Variants in ANKRD52 observed in about 807,000 individuals in gnomAD.
ANKRD52 encodes the protein ankyrin repeat domain 52.
In ANKRD52, 7 loss-of-function variants were observed where a neutral mutation model predicts 116.0. The observed-to-expected ratio is 0.06, with a 90% confidence interval of 0.03 to 0.11. The LOEUF (loss-of-function observed/expected upper bound fraction) is 0.11. Among genes scored for constraint, ANKRD52 ranks in the 10% least tolerant of loss-of-function variants. The probability of loss-of-function intolerance (pLI) is 1.00; values close to 1 mark genes in which losing one functional copy is unlikely to be tolerated. For synonymous variants in ANKRD52, 528 were observed against 578.1 expected, an observed-to-expected ratio of 0.91 and a Z score of 1.24; for missense variants, 839 against 1,408.6, an observed-to-expected ratio of 0.60 and a Z score of 6.47.
chr12:56,245,296 T>TC (rs927706051), intron 21 of ANKRD52, 81 bp downstream of exon 21: 60 of 1,599,184 alleles, frequency 3.8e-5, no homozygotes, highest in Middle Eastern at 1.9e-4. Flanking sequence ...TCAACCCAGG[T>TC]CCCCCCCAAC....
Position 56,255,738 on chromosome 12 carries a change from A to G in ANKRD52, c.462+46T>C, listed in dbSNP as rs768687680. The G allele has an allele frequency of 7.5e-5, 114 of 1,512,490 alleles. No homozygotes were observed. The highest frequency in any genetic ancestry group is 9.9e-6 in the Non-Finnish European group (11 of 1,116,376). The allele number at this position is 1,512,490 out of a possible 1,614,324, so 93.7% of individuals were successfully genotyped here. A position where few individuals can be genotyped will look rare whatever the true frequency, so the allele number is the denominator to read the frequency against. On this transcript the variant is annotated intron_variant, in intron 5 of 27. Transcript: ENST00000267116. This position sits in a 1 kb window ranked among gnomAD's most constrained non-coding sequence, Gnocchi z 4.3. ...GCAGGGAAACGTGAGTAGGAAGGTA[A>G]GAAAAGGGAAAGCCCCAGCTGGGCC...
Position 56,248,398 on chromosome 12 carries a change from G to T in ANKRD52, c.1776+97C>A. ...TGCTTATCCCCTCTCCCACAAAAAG[G>T]CAGAAGGAAGGATAACTTCACAAGT... is the stretch of plus-strand genomic sequence containing the variant. On this transcript the variant is annotated intron_variant, in intron 17 of 27. Transcript: ENST00000267116. This position sits in a 1 kb window ranked among gnomAD's most constrained non-coding sequence, Gnocchi z 5.1. The T allele has an allele frequency of 6.9e-7, 1 of 1,454,290 alleles. No homozygotes were observed. The highest frequency in any genetic ancestry group is 9.5e-7 in the Non-Finnish European group (1 of 1,057,480). 90.1% of individuals were successfully genotyped at this position (1,454,290 alleles called of 1,614,324 possible). A position where few individuals can be genotyped will look rare whatever the true frequency, so the allele number is the denominator to read the frequency against.
In ANKRD52 at chr12:56,253,552, G is replaced by A; in HGVS notation, c.986-150C>T. 1.1e-6 allele frequency: 1 copy of A among 940,722 alleles called. No individual in the cohort carries two copies. 58.3% of individuals were successfully genotyped at this position (940,722 alleles called of 1,614,324 possible). On this transcript the variant is annotated intron_variant, in intron 9 of 27. Coordinates refer to ENST00000267116, the MANE Select transcript of ANKRD52 (RefSeq NM_173595.4). This position sits in a 1 kb window ranked among gnomAD's most constrained non-coding sequence, Gnocchi z 5.5. ...TTTATCCTGTTTCTAGGCCTTAGGA[G>A]ACTGGGCAGGGCAGAGCAGGGCCAT...
rs934575638 is a variant in ANKRD52 at position 56,247,761 on chromosome 12, G to A, written c.1992C>T (p.His664=). The A allele has an allele frequency of 1.2e-6, 2 of 1,612,180 alleles. No individual in the cohort carries two copies. Among genetic ancestry groups the A allele is most frequent in the Non-Finnish European group, 8.5e-7 (1 of 1,179,160 alleles). Residue 664 remains histidine, a synonymous_variant, in exon 19 of 28, where the codon CAC becomes CAT. Transcript: ENST00000267116. The stretch of plus-strand genomic sequence containing the variant: ...CGATCAGCAAGTGCAGGGAGTCAGT[G>A]TGGCCAGAGGCAGCTAGGGGAAAGG... The part of the protein sequence containing the change: ...TPLHAAAASG[H]TDSLHLLIDS...
rs948931392 is a variant in ANKRD52 at position 56,255,667 on chromosome 12, A to G, written c.462+117T>C. ...ATTTAGTGCTTCAGCTTAAGTGTTTATATAACCATCCGGGCTGCTTCTCCT... is the reference window on the plus strand; with the variant it reads ...ATTTAGTGCTTCAGCTTAAGTGTTTGTATAACCATCCGGGCTGCTTCTCCT... On this transcript the variant is annotated intron_variant, in intron 5 of 27. Transcript: ENST00000267116. The surrounding 1 kb of genome is among the most constrained non-coding windows in gnomAD (Gnocchi z 4.3). The G allele has an allele frequency of 5.4e-5, 50 of 922,904 alleles. 1 individual carries two copies. The highest frequency in any genetic ancestry group is 1.9e-4 in the South Asian group (11 of 58,536). 57.2% of individuals were successfully genotyped at this position (922,904 alleles called of 1,614,324 possible).
chr12:56,242,635 G>C lies in ANKRD52; in HGVS notation c.*507C>G, dbSNP rs772695652. 7.9e-5 allele frequency: 13 copies of C among 164,760 alleles called. No individual in the cohort carries two copies. The highest frequency in any genetic ancestry group is 1.8e-4 in the Admixed American group (3 of 16,556). 10.2% of individuals were successfully genotyped at this position (164,760 alleles called of 1,614,324 possible). ...CCTCATCCTCTAGCTGCCCCTGAAG[G>C]GGGGAGGGGGACACCCCCAGAGTGC... is the stretch of plus-strand genomic sequence containing the variant. On this transcript the variant is annotated 3_prime_UTR_variant, in exon 28 of 28. Coordinates refer to ENST00000267116, the MANE Select transcript of ANKRD52 (RefSeq NM_173595.4). The surrounding 1 kb of genome is among the most constrained non-coding windows in gnomAD (Gnocchi z 4.3).
chr12:56,253,375 A>T lies in ANKRD52; in HGVS notation c.1013T>A (p.Phe338Tyr), dbSNP rs964156623. ...NGSEIDCADK[F>Y]GNTPLHVAAR... ...AGCCACATGCAGTGGCGTGTTCCCA[A>T]ATTTGTCGGCACAATCAATCTCGCT... Residue 338 changes from phenylalanine (F) to tyrosine (Y), a missense_variant, in exon 10 of 28, where the codon TTT becomes TAT. Coordinates refer to ENST00000267116, the MANE Select transcript of ANKRD52 (RefSeq NM_173595.4). This position sits in a 1 kb window ranked among gnomAD's most constrained non-coding sequence, Gnocchi z 5.5. 6.2e-7 allele frequency: 1 copy of T among 1,613,586 alleles called. No homozygotes were observed. Among genetic ancestry groups the T allele is most frequent in the Non-Finnish European group, 8.5e-7 (1 of 1,179,684 alleles).
At chr12:56,249,072 A>T (rs955931407) in intron 15 of ANKRD52, among the ~76,000 whole-genome samples, 1 of 152,216 alleles carries the variant, frequency 6.6e-6, no homozygotes, top group African/African-American at 2.4e-5. Context: ...GTCTGCCCTG[A>T]ACCCCTCTGG....
intron 2 of ANKRD52, among the ~76,000 whole-genome samples, 195 bp from the exon 3 acceptor site, chr12:56,257,556 C>A (rs563752963): frequency 1.3e-5 from 2 of 152,220 alleles, no homozygotes; most frequent in East Asian, 3.9e-4. Flanking sequence ...GGCTGAGAAG[C>A]CGGCTCCTTT....
chr12:56,258,302 C>CCGG lies in ANKRD52; in HGVS notation c.-36_-34dup, dbSNP rs751124828. Reference sequence around the variant, plus strand: ...CCCGGGCTCCGTCCGCATCGAGCTCCCGGCGGCGGCGGCGGCGGCTCCACC... The same window carrying CCGG: ...CCCGGGCTCCGTCCGCATCGAGCTCCCGGCGGCGGCGGCGGCGGCGGCTCCACC... On this transcript the variant is annotated 5_prime_UTR_variant, in exon 1 of 28. Coordinates refer to ENST00000267116, the MANE Select transcript of ANKRD52 (RefSeq NM_173595.4). The CCGG allele has an allele frequency of 7.3e-5, 112 of 1,535,136 alleles. No individual in the cohort carries two copies. The Middle Eastern group carries it at 1.4e-3, about 19-fold the overall frequency.
intron 18 of ANKRD52, 29 bp downstream of exon 18, chr12:56,247,994 T>C: frequency 6.4e-7 from 1 of 1,561,286 alleles, no homozygotes; most frequent in South Asian, 1.1e-5. Flanking sequence ...ATGGCAAGGG[T>C]AGGGCAGCAG....
Position 56,244,488 on chromosome 12 carries a change from A to G in ANKRD52, c.2723-53T>C. 6.2e-7 allele frequency: 1 copy of G among 1,604,016 alleles called. No individual in the cohort carries two copies. Among genetic ancestry groups the G allele is most frequent in the Admixed American group, 1.7e-5 (1 of 59,418 alleles). ...GACCCCTCCCTCCAGAGCAGTAGCC[A>G]TCCTGGCTCTCCACTTTGCATCCCG... On this transcript the variant is annotated intron_variant, in intron 24 of 27. Coordinates refer to ENST00000267116, the MANE Select transcript of ANKRD52 (RefSeq NM_173595.4). The surrounding 1 kb of genome is among the most constrained non-coding windows in gnomAD (Gnocchi z 4.9).
chr12:56,245,448 A>G lies in ANKRD52; in HGVS notation c.2333T>C (p.Leu778Pro). The G allele has an allele frequency of 6.2e-7, 1 of 1,612,858 alleles. No individual in the cohort carries two copies. The highest frequency in any genetic ancestry group is 8.5e-7 in the Non-Finnish European group (1 of 1,179,504). The change falls in exon 21 of 28, where the codon CTT becomes CCT. Residue 778 changes from leucine (L) to proline (P), a missense_variant. By Grantham distance (98) the Leu-to-Pro change is moderately conservative. Coordinates refer to ENST00000267116, the MANE Select transcript of ANKRD52 (RefSeq NM_173595.4). Reference protein sequence around the residue: ...AVLRTLLQAALSTDPLDAGVD... With the variant: ...AVLRTLLQAAPSTDPLDAGVD... ...CCCGGCATCCAGGGGATCTGTGGAA[A>G]GGGCAGCCTGCAGCAGGGTCCGCAG...
Position 56,248,098 on chromosome 12 carries a change from C to G in ANKRD52, c.1903G>C (p.Glu635Gln). 1 of 1,613,362 alleles carries G rather than the reference C, an allele frequency of 6.2e-7. No homozygotes were observed. Among genetic ancestry groups the G allele is most frequent in the Non-Finnish European group, 8.5e-7 (1 of 1,179,896 alleles). ...ATERGSTECV[E>Q]VLTAHGASAL... ...GAGGCGCCGTGGGCTGTAAGCACCT[C>G]CACACACTCAGTAGAGCCGCGCTCC... Residue 635 changes from glutamate (E) to glutamine (Q), a missense_variant, in exon 18 of 28, where the codon GAG becomes CAG. Glu to Gln is a conservative substitution (Grantham distance 29, BLOSUM62 2). Around this residue, in one of 2 missense-constraint regions of ANKRD52, gnomAD observed 552 missense variants for 810.6 expected, o/e 0.68. Coordinates refer to ENST00000267116, the MANE Select transcript of ANKRD52 (RefSeq NM_173595.4). The surrounding 1 kb of genome is among the most constrained non-coding windows in gnomAD (Gnocchi z 5.1).
Position 56,244,815 on chromosome 12 carries a change from G to T in ANKRD52, c.2577-18C>A. 6.2e-7 allele frequency: 1 copy of T among 1,613,878 alleles called. No homozygotes were observed. Among genetic ancestry groups the T allele is most frequent in the Admixed American group, 1.7e-5 (1 of 60,024 alleles). Reference sequence around the variant, plus strand: ...GGGGGGTCCTGTAAGGCAGGGATCAGGGTAGATTAAAATAGGGAAGAGTAT... The same window carrying T: ...GGGGGGTCCTGTAAGGCAGGGATCATGGTAGATTAAAATAGGGAAGAGTAT... On this transcript the variant is annotated intron_variant, in intron 23 of 27. Coordinates refer to ENST00000267116, the MANE Select transcript of ANKRD52 (RefSeq NM_173595.4). This position sits in a 1 kb window ranked among gnomAD's most constrained non-coding sequence, Gnocchi z 4.9.
At position 56,248,104 on chromosome 12, in the gene ANKRD52, A is replaced by T; in HGVS notation, c.1897T>A (p.Cys633Ser). ...FLATERGSTE[C>S]VEVLTAHGAS... ...CCGTGGGCTGTAAGCACCTCCACACACTCAGTAGAGCCGCGCTCCGTGGCC... is the reference window on the plus strand; with the variant it reads ...CCGTGGGCTGTAAGCACCTCCACACTCTCAGTAGAGCCGCGCTCCGTGGCC... The change falls in exon 18 of 28, where the codon TGT becomes AGT. Residue 633 changes from cysteine to serine, a missense_variant. Physicochemically the swap from Cys to Ser is moderately radical, Grantham distance 112 (BLOSUM62 -1). Transcript: ENST00000267116. The surrounding 1 kb of genome is among the most constrained non-coding windows in gnomAD (Gnocchi z 5.1). The T allele has an allele frequency of 6.2e-7, 1 of 1,613,340 alleles. No homozygotes were observed. Among genetic ancestry groups the T allele is most frequent in the Non-Finnish European group, 8.5e-7 (1 of 1,179,866 alleles).
Position 56,244,269 on chromosome 12 carries a change from C to T in ANKRD52, c.2805+84G>A, listed in dbSNP as rs1871293598. 6.5e-7 allele frequency: 1 copy of T among 1,547,498 alleles called. No individual in the cohort carries two copies. Among genetic ancestry groups the T allele is most frequent in the African/African-American group, 1.4e-5 (1 of 73,490 alleles). ...TAGGCTGGACAATCCTCACTTCTGC[C>T]CCAGTCCCCTCTGCAACCGAGACTT... On this transcript the variant is annotated intron_variant, in intron 25 of 27. Coordinates refer to ENST00000267116, the MANE Select transcript of ANKRD52 (RefSeq NM_173595.4). This position sits in a 1 kb window ranked among gnomAD's most constrained non-coding sequence, Gnocchi z 4.9.
chr12:56,242,235 A>G lies in ANKRD52; in HGVS notation c.*907T>C. 2.5e-6 allele frequency: 1 copy of G among 398,616 alleles called. No homozygotes were observed. The highest frequency in any genetic ancestry group is 4.4e-6 in the Non-Finnish European group (1 of 226,064). The allele number at this position is 398,616 out of a possible 1,614,324, so 24.7% of individuals were successfully genotyped here. ...CTAGGGCTGTGGTTTTGAAATGGGC[A>G]GGAAATTAATTTGTTTCTTCCCCTA... is the stretch of plus-strand genomic sequence containing the variant. On this transcript the variant is annotated 3_prime_UTR_variant, in exon 28 of 28. Coordinates refer to ENST00000267116, the MANE Select transcript of ANKRD52 (RefSeq NM_173595.4). The surrounding 1 kb of genome is among the most constrained non-coding windows in gnomAD (Gnocchi z 4.3).
chr12:56,247,175 A>G (rs1206271008), intron 20 of ANKRD52, among the ~76,000 whole-genome samples: 1 of 150,762 alleles, frequency 6.6e-6, no homozygotes, highest in African/African-American at 2.4e-5. Context: ...TAAGACCCCC[A>G]TATCTACAAA....
Sources: allele counts gnomAD v4.1 joint callset (sites outside exome capture counted in the v4.1 genomes callset), GRCh38; gene constraint gnomAD v4.1.1; regional missense constraint gnomAD v4.1.1; non-coding constraint Gnocchi (gnomAD v3.1); transcripts MANE v1.5; gene names NCBI Gene and HGNC (gene_info 2026-07-23, HGNC 2026-07-21).